Variants in ESRRG observed in about 807,000 individuals in gnomAD.
The protein encoded by ESRRG is estrogen-related receptor gamma.
ESRRG carries 13 observed loss-of-function variants against 44.0 expected under a neutral mutation model. The observed-to-expected ratio is 0.30, with a 90% CI of 0.19 to 0.47. The LOEUF (loss-of-function observed/expected upper bound fraction) is 0.47, where lower values mean the gene tolerates loss of function less well. ESRRG is among the 20% of genes least tolerant of loss of function. The pLI is 1.00. For synonymous variants in ESRRG, 215 were observed against 214.6 expected, an observed-to-expected ratio of 1.00 and a Z score of -0.02; for missense variants, 395 against 580.6, an observed-to-expected ratio of 0.68 and a Z score of 3.29.
chr1:216,806,486 T>C (rs2094796515), intron 2 of ESRRG, among the ~76,000 whole-genome samples: 1 of 152,202 alleles, frequency 6.6e-6, no homozygotes, highest in Non-Finnish European at 1.5e-5. Flanking sequence ...CGAAAGGTTT[T>C]GAAATAGGTC....
chr1:216,908,854 T>A (rs2059986261), intron 2 of ESRRG, among the ~76,000 whole-genome samples: 1 of 150,732 alleles, frequency 6.6e-6, no homozygotes, highest in African/African-American at 2.4e-5. Flanking sequence ...ACATAGAGCA[T>A]CCTCTACACC....
intron 1 of ESRRG, among the ~76,000 whole-genome samples, chr1:217,011,662 A>G (rs759457312): frequency 1.6e-4 from 24 of 152,198 alleles, no homozygotes; most frequent in Non-Finnish European, 1.3e-4. Context: ...AGAAGACATA[A>G]TGTCCACATA....
intron 1 of ESRRG, among the ~76,000 whole-genome samples, chr1:217,069,258 T>C (rs1343403287): frequency 6.6e-6 from 1 of 152,246 alleles, no homozygotes; most frequent in African/African-American, 2.4e-5. Flanking sequence ...CCCTCGAACA[T>C]CTGACTCCAA....
At position 216,503,886 on chromosome 1, in the gene ESRRG, C is replaced by A. The variant is rs2040768834; in HGVS notation, c.*3053G>T. 6.6e-6 allele frequency: 1 copy of A among 152,402 alleles called. No individual in the cohort carries two copies. The highest frequency in any genetic ancestry group is 2.4e-5 in the African/African-American group (1 of 41,384). The allele number at this position is 152,402 out of a possible 1,614,324, so 9.4% of individuals were successfully genotyped here. On this transcript the variant is annotated 3_prime_UTR_variant, in exon 7 of 7. Coordinates refer to ENST00000408911, the MANE Select transcript of ESRRG (RefSeq NM_001438.4). ...AAAATCATATGGCTAAAACATACAC[C>A]TTTATAACTTTCCAAAACTTCACAT...
rs115961643 is a variant in ESRRG at position 216,555,767 on chromosome 1, C to T, written c.862+8452G>A. 2.9e-3 allele frequency among the ~76,000 whole-genome samples: 440 copies of T among 152,160 alleles called. 1 individual carries two copies. Among genetic ancestry groups the T allele is most frequent in the Non-Finnish European group, 4.4e-3 (299 of 68,002 alleles). ...TTCACTTTGCTGAATAAATCAGAGG[C>T]GAAATCCTTGCTAAAAGTGAAAATT... On this transcript the variant is annotated intron_variant, in intron 5 of 6. Transcript: ENST00000408911.
chr1:216,821,255 C>A (rs757927337), intron 2 of ESRRG, among the ~76,000 whole-genome samples: 1 of 152,170 alleles, frequency 6.6e-6, no homozygotes, highest in Non-Finnish European at 1.5e-5. Context: ...ACCTTCCAGA[C>A]CATACTTTCC....
At chr1:216,514,439 A>C (rs1196731913) in intron 6 of ESRRG, among the ~76,000 whole-genome samples, 2 of 152,156 alleles carry the variant, frequency 1.3e-5, no homozygotes, top group African/African-American at 4.8e-5. Flanking sequence ...ATTTCTCATA[A>C]AATGTTATAA....
chr1:216,944,400 G>A (rs940818489), intron 1 of ESRRG, among the ~76,000 whole-genome samples: 2 of 152,078 alleles, frequency 1.3e-5, no homozygotes, highest in African/African-American at 2.4e-5. Context: ...AAATAAATAA[G>A]AGAAGAAGAC....
At chr1:217,076,437 G>A (rs1268225242) in intron 1 of ESRRG, among the ~76,000 whole-genome samples, 1 of 152,156 alleles carries the variant, frequency 6.6e-6, no homozygotes, top group Non-Finnish European at 1.5e-5. Context: ...TTTCTCGGTT[G>A]AAGGCAAATT....
chr1:216,931,933 C>T lies in ESRRG; in HGVS notation c.-14+7649G>A, dbSNP rs567497319. Among the ~76,000 whole-genome samples the T allele has an allele frequency of 1.2e-4, 18 of 151,746 alleles. 1 individual carries two copies. The highest frequency in any genetic ancestry group is 1.0e-3 in the South Asian group (5 of 4,802). On this transcript the variant is annotated intron_variant, in intron 2 of 7. Transcript: ENST00000359162. ...TAAAAGGTGAAAATAAGGCCAGGTGCGGTGGCTCACGCCTGTAATCCCAGC... is the reference window on the plus strand; with the variant it reads ...TAAAAGGTGAAAATAAGGCCAGGTGTGGTGGCTCACGCCTGTAATCCCAGC...
chr1:216,907,865 C>T (rs1373513152), intron 2 of ESRRG, among the ~76,000 whole-genome samples: 1 of 152,132 alleles, frequency 6.6e-6, no homozygotes, highest in Non-Finnish European at 1.5e-5. Context: ...TCGAGATCAC[C>T]CTTTCTGAGT....
intron 2 of ESRRG, among the ~76,000 whole-genome samples, chr1:216,673,168 C>A (rs920533655): frequency 1.3e-5 from 2 of 152,168 alleles, no homozygotes; most frequent in Admixed American, 6.6e-5. Context: ...AGAATGAACT[C>A]TAAGGCAGCT....
chr1:216,985,312 C>A (rs560072521), intron 1 of ESRRG, among the ~76,000 whole-genome samples: 1 of 152,164 alleles, frequency 6.6e-6, no homozygotes, highest in African/African-American at 2.4e-5. Flanking sequence ...TGTGCCTTTC[C>A]CAACCCACCT....
At chr1:216,685,358 T>C (rs1304317095) in intron 1 of ESRRG, among the ~76,000 whole-genome samples, 1 of 152,222 alleles carries the variant, frequency 6.6e-6, no homozygotes, top group Non-Finnish European at 1.5e-5. Context: ...AGACCTCCTC[T>C]GCAGTAAGCT....
chr1:216,759,369 T>C (rs1250360690), intron 2 of ESRRG, among the ~76,000 whole-genome samples: 1 of 152,044 alleles, frequency 6.6e-6, no homozygotes, highest in East Asian at 1.9e-4. Context: ...TCTCCCCAGG[T>C]GGAAACTTTC....
At chr1:216,646,496 T>C (rs148707235) in intron 3 of ESRRG, among the ~76,000 whole-genome samples, 19 of 152,218 alleles carry the variant, frequency 1.2e-4, no homozygotes, top group African/African-American at 3.9e-4. Flanking sequence ...CTTAGAGAAG[T>C]TCTTTAACTT....
chr1:216,988,441 C>G (rs1210431501), intron 1 of ESRRG, among the ~76,000 whole-genome samples: 2 of 152,208 alleles, frequency 1.3e-5, no homozygotes, highest in Non-Finnish European at 2.9e-5. Flanking sequence ...CTTGTGAACA[C>G]AGGAACTCAG....
intron 2 of ESRRG, among the ~76,000 whole-genome samples, chr1:216,776,913 T>A (rs999280375): frequency 2.0e-5 from 3 of 152,124 alleles, no homozygotes; most frequent in African/African-American, 7.2e-5. Context: ...GGGTATAGCA[T>A]GTGCTAAGGA....
intron 2 of ESRRG, chr1:216,862,555 G>A (rs979438864): frequency 6.6e-6 from 1 of 152,032 alleles, no homozygotes; most frequent in African/African-American, 2.4e-5. Flanking sequence ...TGGTACCTCA[G>A]TAATAAAAAG....
Sources: gnomAD v4.1 joint callset for allele counts (sites outside exome capture counted in the v4.1 genomes callset) on GRCh38, gnomAD v4.1.1 for gene constraint, MANE v1.5 for transcripts, NCBI Gene and HGNC (gene_info 2026-07-23, HGNC 2026-07-21) for gene names.